The following CADPS variants were observed in gnomAD, a reference collection of about 807,000 sequenced individuals.
CADPS encodes calcium dependent secretion activator, also known as calcium-dependent secretion activator 1.
In CADPS, 57 loss-of-function variants were observed where a neutral mutation model predicts 167.3. That is an observed-to-expected ratio of 0.34 (90% CI 0.28 to 0.42). CADPS has a LOEUF of 0.42. Ranked by LOEUF, CADPS falls within the 20% of genes least tolerant of loss-of-function variation. The probability of loss-of-function intolerance (pLI) is 1.00; values close to 1 mark genes in which losing one functional copy is unlikely to be tolerated. For synonymous variants in CADPS, 676 were observed against 635.3 expected, an observed-to-expected ratio of 1.06 and a Z score of -0.96; for missense variants, 1,414 against 1,738.1, an observed-to-expected ratio of 0.81 and a Z score of 3.32.
chr3:62,656,573 G>GCAT (rs1277544060), intron 4 of CADPS, among the ~76,000 whole-genome samples: 2 of 152,148 alleles, frequency 1.3e-5, no homozygotes, highest in Admixed American at 6.5e-5. Flanking sequence ...CATCCTGTAT[G>GCAT]CATCATCTCC....
rs2049130295 is a variant in CADPS at position 62,412,328 on chromosome 3, C to T, written c.3778-9143G>A. On this transcript the variant is annotated intron_variant, in intron 28 of 29. Coordinates refer to ENST00000383710, the MANE Select transcript of CADPS (RefSeq NM_003716.4). The surrounding 1 kb of genome is among the most constrained non-coding windows in gnomAD (Gnocchi z 4.1). The stretch of plus-strand genomic sequence containing the variant: ...TGAGACAACGTGCTACAACCAGTTT[C>T]AGAGACTATGGCTTTCTATAACCTG... Among the ~76,000 whole-genome samples the T allele has an allele frequency of 6.7e-6, 1 of 149,714 alleles. No homozygotes were observed. The highest frequency in any genetic ancestry group is 1.5e-5 in the Non-Finnish European group (1 of 67,356).
At chr3:62,477,223 C>A (rs559177576) in intron 23 of CADPS, among the ~76,000 whole-genome samples, 1 of 151,966 alleles carries the variant, frequency 6.6e-6, no homozygotes, top group Non-Finnish European at 1.5e-5. Flanking sequence ...AACTTCCAGA[C>A]AAACCCGGCC....
chr3:62,875,036 G>T lies in CADPS; in HGVS notation c.-7C>A. The T allele has an allele frequency of 1.3e-6, 2 of 1,580,778 alleles. No individual in the cohort carries two copies. The highest frequency in any genetic ancestry group is 1.1e-5 in the South Asian group (1 of 89,734). ...TGGACGAAGGGTCCAGCATAGTGGC[G>T]CCTGGGGAGCGGGGTCTCTGGAGCC... On this transcript the variant is annotated 5_prime_UTR_variant, in exon 1 of 30. Coordinates refer to ENST00000383710, the MANE Select transcript of CADPS (RefSeq NM_003716.4).
At chr3:62,741,338 C>G (rs573302) in intron 3 of CADPS, among the ~76,000 whole-genome samples, 61,804 of 151,862 alleles carry the variant, frequency 0.41, 12,907 homozygotes, top group South Asian at 0.49. Context: ...AAACTTCAGG[C>G]CAATTTTCTT....
intron 9 of CADPS, among the ~76,000 whole-genome samples, chr3:62,566,249 G>A (rs906535973): frequency 3.9e-5 from 6 of 152,172 alleles, no homozygotes; most frequent in Admixed American, 1.3e-4. Flanking sequence ...GAACTCTCAC[G>A]CTTCTGCAAA....
At chr3:62,853,060 C>T (rs1384384986) in intron 1 of CADPS, among the ~76,000 whole-genome samples, 3 of 152,108 alleles carry the variant, frequency 2.0e-5, no homozygotes, top group Non-Finnish European at 4.4e-5. Flanking sequence ...AGCAGTGGCT[C>T]AAATGCTTTA....
chr3:62,685,793 T>G (rs1455750117), intron 3 of CADPS, among the ~76,000 whole-genome samples: 1 of 152,064 alleles, frequency 6.6e-6, no homozygotes, highest in Non-Finnish European at 1.5e-5. Context: ...ATCCCTCGCA[T>G]GTGCGGTTCA....
At chr3:62,683,322 T>C (rs1194647510) in intron 3 of CADPS, among the ~76,000 whole-genome samples, 1 of 151,976 alleles carries the variant, frequency 6.6e-6, no homozygotes, top group South Asian at 2.1e-4. Context: ...TAAGGGTGAA[T>C]ACAGCTATTG....
chr3:62,510,192 A>ATCTATCTATCTG (rs1485784522), intron 17 of CADPS, among the ~76,000 whole-genome samples: 1 of 1,004 alleles, frequency 1.0e-3, no homozygotes, highest in Non-Finnish European at 1.8e-3. Context: ...CTATTTCTGC[A>ATCTATCTATCTG]TCTATCTATC....
intron 22 of CADPS, among the ~76,000 whole-genome samples, chr3:62,480,809 T>C (rs111289960): frequency 6.6e-6 from 1 of 152,326 alleles, no homozygotes; most frequent in Non-Finnish European, 1.5e-5. Context: ...TAAACCTTAT[T>C]TCACTTATTA....
intron 10 of CADPS, 21 bp from the exon 11 acceptor site, chr3:62,550,136 A>T: frequency 6.3e-7 from 1 of 1,586,030 alleles, no homozygotes; most frequent in Non-Finnish European, 8.7e-7. Context: ...AGGGAGTAAC[A>T]ACTTCTACTA....
chr3:62,435,213 G>A (rs2054752207), intron 28 of CADPS, among the ~76,000 whole-genome samples: 1 of 152,162 alleles, frequency 6.6e-6, no homozygotes, highest in Admixed American at 6.5e-5. Context: ...ATTAAGGAAT[G>A]GGATTTAAAG....
chr3:62,783,972 G>A (rs1247238737), intron 1 of CADPS, among the ~76,000 whole-genome samples: 1 of 152,212 alleles, frequency 6.6e-6, no homozygotes, highest in East Asian at 1.9e-4. Flanking sequence ...AAAATGAAAT[G>A]ATGTCTAGAG....
chr3:62,604,923 A>G (rs2060483976), intron 6 of CADPS, among the ~76,000 whole-genome samples: 1 of 152,232 alleles, frequency 6.6e-6, no homozygotes, highest in Non-Finnish European at 1.5e-5. Flanking sequence ...CCCTCCTCTC[A>G]GCAATTCTGC....
chr3:62,640,240 C>T (rs1395956114), intron 6 of CADPS, among the ~76,000 whole-genome samples: 1 of 151,924 alleles, frequency 6.6e-6, no homozygotes, highest in East Asian at 1.9e-4. Flanking sequence ...ATTCCAAGGC[C>T]CAGTACACAG....
At chr3:62,499,692 A>T (rs1360936725) in intron 17 of CADPS, 1 of 154,062 alleles carries the variant, frequency 6.5e-6, no homozygotes. Context: ...ATTAAATGCT[A>T]CAGCGTAATT....
chr3:62,475,072 GT>G (rs1472705161), intron 23 of CADPS, among the ~76,000 whole-genome samples: 3 of 152,126 alleles, frequency 2.0e-5, no homozygotes, highest in African/African-American at 7.2e-5. Flanking sequence ...TATTTTATAT[GT>G]ACGCTTAATA....
chr3:62,838,191 A>G (rs1244317187), intron 1 of CADPS, among the ~76,000 whole-genome samples: 1 of 152,240 alleles, frequency 6.6e-6, no homozygotes, highest in Admixed American at 6.5e-5. Context: ...TTCGGCGCAT[A>G]TATTACTGAC....
At chr3:62,430,727 C>T (rs997188969) in intron 28 of CADPS, among the ~76,000 whole-genome samples, 4 of 151,822 alleles carry the variant, frequency 2.6e-5, no homozygotes, top group South Asian at 2.1e-4. Flanking sequence ...TATAGATACC[C>T]GTTACGTAAC....
Sources: gnomAD v4.1 joint callset for allele counts (sites outside exome capture counted in the v4.1 genomes callset) on GRCh38, gnomAD v4.1.1 for gene constraint, Gnocchi (gnomAD v3.1) non-coding constraint, MANE v1.5 for transcripts, NCBI Gene and HGNC (gene_info 2026-07-23, HGNC 2026-07-21) for gene names.